GLDC: variants seen among roughly 807,000 people sequenced by gnomAD.
GLDC encodes glycine dehydrogenase (decarboxylating), mitochondrial.
A neutral mutation model predicts 121.3 loss-of-function variants in GLDC; 104 were observed. The observed-to-expected ratio is 0.86, with a 90% CI of 0.73 to 1.01. The LOEUF is 1.01. Ranked by LOEUF, GLDC falls within the 50% of genes least tolerant of loss-of-function variation. GLDC has a pLI of 0.00. For synonymous variants in GLDC, 546 were observed against 480.6 expected (o/e 1.14, Z -1.78); for missense variants, 1,429 against 1,306.6 (o/e 1.09, Z -1.44).
intron 19 of GLDC, among the ~76,000 whole-genome samples, 174 bp downstream of exon 19, chr9:6,554,495 G>C (rs1483816543): frequency 6.6e-6 from 1 of 152,116 alleles, no homozygotes; most frequent in African/African-American, 2.4e-5. Context: ...GCTTTTCTTT[G>C]GAAATCCCCT....
intron 21 of GLDC, among the ~76,000 whole-genome samples, chr9:6,550,176 A>G (rs773926520): frequency 6.6e-6 from 1 of 151,850 alleles, no homozygotes; most frequent in African/African-American, 2.4e-5. Flanking sequence ...GAGTTACTCT[A>G]CTCTTTCAAG....
intron 4 of GLDC, among the ~76,000 whole-genome samples, chr9:6,607,216 T>A (rs1818753364): frequency 6.6e-6 from 1 of 152,162 alleles, no homozygotes; most frequent in Non-Finnish European, 1.5e-5. Context: ...TAACAATTTT[T>A]AAAAAATGGT....
At chr9:6,615,597 G>A (rs950945685) in intron 3 of GLDC, among the ~76,000 whole-genome samples, 9 of 145,864 alleles carry the variant, frequency 6.2e-5, no homozygotes, top group African/African-American at 2.3e-4. Flanking sequence ...AAAAAAAAAA[G>A]ACCTAGTATA....
intron 15 of GLDC, among the ~76,000 whole-genome samples, chr9:6,576,973 C>T (rs147748334): frequency 0.011 from 1,632 of 152,266 alleles, 28 homozygotes; most frequent in African/African-American, 0.037. Flanking sequence ...AGATCCTAAC[C>T]TTTCCCTTGA....
intron 15 of GLDC, among the ~76,000 whole-genome samples, chr9:6,574,928 C>T (rs1222706695): frequency 6.6e-6 from 1 of 152,152 alleles, no homozygotes; most frequent in African/African-American, 2.4e-5. Context: ...TTGTGATATG[C>T]ATATGATAGC....
At chr9:6,556,010 T>G in intron 18 of GLDC, 143 bp downstream of exon 18, 2 of 661,242 alleles carry the variant, frequency 3.0e-6, no homozygotes, top group Non-Finnish European at 5.3e-6. Context: ...TCCAAGGCCA[T>G]GAGAGATCAA....
intron 8 of GLDC, among the ~76,000 whole-genome samples, chr9:6,599,620 C>G (rs1563854268): frequency 6.6e-6 from 1 of 150,982 alleles, no homozygotes; most frequent in Non-Finnish European, 1.5e-5. Context: ...ACTCAGGAGG[C>G]TGAGGCAAGA....
intron 15 of GLDC, among the ~76,000 whole-genome samples, chr9:6,569,639 G>A (rs1438092895): frequency 2.0e-5 from 3 of 151,976 alleles, no homozygotes; most frequent in Non-Finnish European, 4.4e-5. Context: ...GCAACAGAGT[G>A]AGACTCCATC....
intron 21 of GLDC, 87 bp downstream of exon 21, chr9:6,550,716 T>C: frequency 2.5e-6 from 2 of 808,854 alleles, no homozygotes; most frequent in South Asian, 2.7e-5. Context: ...AGAAGTCTCT[T>C]GCCCATGTCA....
At chr9:6,614,810 G>A (rs1818935808) in intron 3 of GLDC, among the ~76,000 whole-genome samples, 2 of 152,280 alleles carry the variant, frequency 1.3e-5, no homozygotes, top group South Asian at 4.1e-4. Context: ...CGTGTACTTA[G>A]AAGGTATAGC....
intron 15 of GLDC, among the ~76,000 whole-genome samples, 156 bp downstream of exon 15, chr9:6,586,985 C>T (rs981677345): frequency 2.0e-5 from 3 of 152,180 alleles, no homozygotes; most frequent in Admixed American, 2.0e-4. Flanking sequence ...AGGGAGAACA[C>T]GATGCACCTT....
intron 6 of GLDC, 100 bp from the exon 7 acceptor site, chr9:6,604,884 G>C (rs1818698646): frequency 4.9e-6 from 5 of 1,030,452 alleles, no homozygotes; most frequent in Non-Finnish European, 6.1e-6. Flanking sequence ...CGGGCAGAGT[G>C]TGTTCACATC....
chr9:6,592,345 G>A (rs914698149), intron 10 of GLDC, 122 bp from the exon 11 acceptor site: 3 of 730,420 alleles, frequency 4.1e-6, no homozygotes, highest in Non-Finnish European at 2.5e-6. Context: ...AAATATCAGG[G>A]TACAATTATC....
chr9:6,625,964 C>T (rs952884847), intron 2 of GLDC, among the ~76,000 whole-genome samples: 8 of 152,098 alleles, frequency 5.3e-5, no homozygotes, highest in African/African-American at 1.9e-4. Flanking sequence ...GGGCTAGAAG[C>T]TGAGAAGAAT....
At chr9:6,636,950 G>C (rs1323611494) in intron 2 of GLDC, among the ~76,000 whole-genome samples, 1 of 151,780 alleles carries the variant, frequency 6.6e-6, no homozygotes. Context: ...TGGCTGTGGT[G>C]GTGGGTGCCT....
At chr9:6,643,473 T>C (rs955790545) in intron 2 of GLDC, among the ~76,000 whole-genome samples, 2 of 150,798 alleles carry the variant, frequency 1.3e-5, no homozygotes, top group African/African-American at 4.9e-5. Context: ...CTCTCTTCAT[T>C]TGACTCTAGA....
intron 7 of GLDC, among the ~76,000 whole-genome samples, chr9:6,604,358 G>A (rs1471378792): frequency 3.3e-5 from 5 of 152,186 alleles, no homozygotes; most frequent in African/African-American, 4.8e-5. Context: ...ACATGACTTC[G>A]ATACATTGTA....
At chr9:6,610,065 A>T in intron 4 of GLDC, 127 bp downstream of exon 4, 1 of 751,492 alleles carries the variant, frequency 1.3e-6, no homozygotes, top group Non-Finnish European at 2.2e-6. Flanking sequence ...TGAGTTTTTC[A>T]GTTTCTCTGA....
At chr9:6,549,306 T>G (rs1440726630) in intron 21 of GLDC, among the ~76,000 whole-genome samples, 1 of 132,304 alleles carries the variant, frequency 7.6e-6, no homozygotes, top group African/African-American at 2.9e-5. Context: ...TGGAGTCAGA[T>G]GGACAGAGCC....
Sources: allele counts gnomAD v4.1 joint callset (sites outside exome capture counted in the v4.1 genomes callset), GRCh38; gene constraint gnomAD v4.1.1; transcripts MANE v1.5; gene names NCBI Gene and HGNC (gene_info 2026-07-23, HGNC 2026-07-21).